Variants in CORO2A observed in about 807,000 individuals in gnomAD.
CORO2A encodes coronin-2A.
In CORO2A, 47 loss-of-function variants were observed where a neutral mutation model predicts 62.4. The ratio of observed to expected loss-of-function variants is 0.75; its 90% CI spans 0.60 to 0.96. The LOEUF (loss-of-function observed/expected upper bound fraction) is 0.96, where lower values mean the gene tolerates loss of function less well. Ranked by LOEUF, CORO2A falls within the 40% of genes least tolerant of loss-of-function variation. The pLI, the probability that CORO2A is intolerant of heterozygous loss-of-function variation, is 0.00. For missense variants in CORO2A, 610 were observed against 684.1 expected (o/e 0.89, Z 1.21); for synonymous variants, 273 against 268.9 (o/e 1.02, Z -0.15).
At chr9:98,173,217 T>TGA (rs1187745391) in intron 1 of CORO2A, among the ~76,000 whole-genome samples, 1 of 152,190 alleles carries the variant, frequency 6.6e-6, no homozygotes, top group African/African-American at 2.4e-5. Flanking sequence ...GGGTGAGAGC[T>TGA]GAGAGTCTGC....
chr9:98,153,614 G>T (rs1588002759), intron 2 of CORO2A, among the ~76,000 whole-genome samples: 1 of 148,612 alleles, frequency 6.7e-6, no homozygotes, highest in African/African-American at 2.5e-5. Flanking sequence ...TTGCTATACT[G>T]CCCAGGCTAT....
chr9:98,153,956 A>G (rs930841762), intron 2 of CORO2A, among the ~76,000 whole-genome samples: 4 of 152,016 alleles, frequency 2.6e-5, no homozygotes, highest in Non-Finnish European at 5.9e-5. Flanking sequence ...TATGGACATG[A>G]TCATATGGTT....
chr9:98,163,759 AG>A (rs1827922349), intron 1 of CORO2A, among the ~76,000 whole-genome samples: 2 of 148,052 alleles, frequency 1.4e-5, no homozygotes, highest in African/African-American at 5.1e-5. Context: ...AGAGAGAGAG[AG>A]AGAGAGAGAG....
At chr9:98,130,202 T>C (rs772467519) in intron 7 of CORO2A, among the ~76,000 whole-genome samples, 6 of 152,178 alleles carry the variant, frequency 3.9e-5, no homozygotes, top group Admixed American at 6.5e-5. Context: ...CGCCTCAGCC[T>C]CCCGAGTAGG....
intron 1 of CORO2A, among the ~76,000 whole-genome samples, chr9:98,158,803 G>A (rs1002650574): frequency 6.6e-6 from 1 of 151,270 alleles, no homozygotes; most frequent in East Asian, 2.0e-4. Flanking sequence ...ATGTGGTTTA[G>A]TAAGATTATC....
rs1827422210 is a variant in CORO2A at position 98,132,448 on chromosome 9, G to A, written c.649-147C>T. The stretch of plus-strand genomic sequence containing the variant: ...CAGCTCTGCCTGGAGATTCTTCCCA[G>A]GGGCACCACCTGGATCCCTCTCATC... On this transcript the variant is annotated intron_variant, in intron 5 of 11. Transcript: ENST00000375077. 3.9e-5 allele frequency: 25 copies of A among 635,800 alleles called. No individual in the cohort carries two copies. In the South Asian group the frequency reaches 4.6e-4, roughly 12 times the overall value. 39.4% of individuals were successfully genotyped at this position (635,800 alleles called of 1,614,324 possible).
intron 4 of CORO2A, 32 bp from the exon 5 acceptor site, chr9:98,133,249 G>A: frequency 1.2e-6 from 2 of 1,608,608 alleles, no homozygotes; most frequent in Non-Finnish European, 1.7e-6. Context: ...CTGAGCACAG[G>A]GGCCACCTTG....
At chr9:98,129,490 C>T (rs567522850) in intron 8 of CORO2A, among the ~76,000 whole-genome samples, 6 of 152,326 alleles carry the variant, frequency 3.9e-5, no homozygotes, top group Non-Finnish European at 7.4e-5. Flanking sequence ...CATCTCTGCT[C>T]TTGTGGTAAC....
At chr9:98,170,077 A>C (rs1828012811) in intron 1 of CORO2A, among the ~76,000 whole-genome samples, 2 of 152,194 alleles carry the variant, frequency 1.3e-5, no homozygotes, top group African/African-American at 4.8e-5. Flanking sequence ...TTTCTCATAG[A>C]ATCTAGAAGA....
At chr9:98,141,817 T>C (rs368321811) in intron 2 of CORO2A, among the ~76,000 whole-genome samples, 24 of 152,212 alleles carry the variant, frequency 1.6e-4, no homozygotes, top group African/African-American at 5.3e-4. Context: ...CCTTGCAGGA[T>C]TGTTGAGAGT....
intron 3 of CORO2A, among the ~76,000 whole-genome samples, chr9:98,136,945 C>G (rs1827492994): frequency 6.6e-6 from 1 of 152,210 alleles, no homozygotes; most frequent in South Asian, 2.1e-4. Flanking sequence ...ACCTCAGTCT[C>G]CCAAAGTGCT....
intron 1 of CORO2A, among the ~76,000 whole-genome samples, chr9:98,166,788 A>G (rs1827966844): frequency 6.6e-6 from 1 of 152,192 alleles, no homozygotes; most frequent in African/African-American, 2.4e-5. Flanking sequence ...TTCACAGATG[A>G]ACGGATCAGT....
rs370084835 is a variant in CORO2A, at chr9:98,128,594, C to T, written c.1080+13G>A. ...TCCCCACCTGCCTCCCATGCGGTCC[C>T]GACTGCCCTTACCCGCCGGGGCACA... is the stretch of plus-strand genomic sequence containing the variant. On this transcript the variant is annotated intron_variant, in intron 9 of 11. Coordinates refer to ENST00000375077, the MANE Select transcript of CORO2A (RefSeq NM_052820.4). The T allele has an allele frequency of 1.2e-5, 20 of 1,612,490 alleles. No homozygotes were observed. Among genetic ancestry groups the T allele is most frequent in the African/African-American group, 5.3e-5 (4 of 74,874 alleles).
intron 1 of CORO2A, among the ~76,000 whole-genome samples, chr9:98,181,202 G>A (rs1164470246): frequency 6.6e-6 from 1 of 151,576 alleles, no homozygotes; most frequent in African/African-American, 2.4e-5. Flanking sequence ...TGCAAGTCAG[G>A]CCATGAGAAG....
At chr9:98,154,391 T>A (rs1457261725) in intron 2 of CORO2A, among the ~76,000 whole-genome samples, 1 of 127,824 alleles carries the variant, frequency 7.8e-6, no homozygotes, top group Non-Finnish European at 1.7e-5. Context: ...AATATATGTA[T>A]GTAAAATATA....
rs1437296336 is a variant in CORO2A, at chr9:98,128,337, T to C, written c.1081-77A>G. ...TGGGAAAGGCCCTTAGACCTGGGAG[T>C]CCAGGCTCTCACCAACCCCTGCTGA... On this transcript the variant is annotated intron_variant, in intron 9 of 11. Transcript: ENST00000375077. 3 of 1,180,282 alleles carry C rather than the reference T, an allele frequency of 2.5e-6. No individual in the cohort carries two copies. In the East Asian group the frequency reaches 7.1e-5, roughly 28 times the overall value. 73.1% of individuals were successfully genotyped at this position (1,180,282 alleles called of 1,614,324 possible).
At chr9:98,189,854 C>G (rs1291625846) in intron 1 of CORO2A, among the ~76,000 whole-genome samples, 2 of 151,510 alleles carry the variant, frequency 1.3e-5, no homozygotes, top group Non-Finnish European at 2.9e-5. Flanking sequence ...TCAGATAAAA[C>G]TGAACACTTC....
At chr9:98,161,422 C>T (rs1040048195) in intron 1 of CORO2A, among the ~76,000 whole-genome samples, 11 of 152,008 alleles carry the variant, frequency 7.2e-5, no homozygotes, top group South Asian at 4.2e-4. Context: ...GGTGTGGTGG[C>T]GCGCGCCTGT....
At chr9:98,149,389 T>C (rs814027) in intron 2 of CORO2A, among the ~76,000 whole-genome samples, 62,322 of 152,032 alleles carry the variant, frequency 0.41, 13,210 homozygotes, top group Non-Finnish European at 0.46. Context: ...AAGCTCTGAT[T>C]AGTGGCTCCT....
Sources: gnomAD v4.1 joint callset for allele counts (sites outside exome capture counted in the v4.1 genomes callset) on GRCh38, gnomAD v4.1.1 for gene constraint, MANE v1.5 for transcripts, NCBI Gene and HGNC (gene_info 2026-07-23, HGNC 2026-07-21) for gene names.